Variants in GREB1 observed in about 807,000 individuals in gnomAD.
GREB1 encodes protein GREB1.
A neutral mutation model predicts 200.7 loss-of-function variants in GREB1; 106 were observed. That is an observed-to-expected ratio of 0.53 (90% confidence interval 0.45 to 0.62). The LOEUF (loss-of-function observed/expected upper bound fraction) is 0.62. Ranked by LOEUF, GREB1 falls within the 20% of genes least tolerant of loss-of-function variation. The pLI, the probability that GREB1 is intolerant of heterozygous loss-of-function variation, is 0.00. For missense variants in GREB1, 2,243 were observed against 2,556.8 expected, an observed-to-expected ratio of 0.88 and a Z score of 2.65; for synonymous variants, 1,132 against 1,092.4, an observed-to-expected ratio of 1.04 and a Z score of -0.72.
chr2:11,510,268 C>T (rs566629228), intron 1 of GREB1, among the ~76,000 whole-genome samples: 3 of 152,232 alleles, frequency 2.0e-5, no homozygotes, highest in African/African-American at 7.2e-5. Context: ...TGGTATGTAC[C>T]TTATATTGCA....
rs1401697185 is a variant in GREB1 at position 11,629,938 on chromosome 2, C to T, written c.4450-10C>T. The T allele has an allele frequency of 6.2e-7, 1 of 1,613,366 alleles. No individual in the cohort carries two copies. The highest frequency in any genetic ancestry group is 8.5e-7 in the Non-Finnish European group (1 of 1,179,518). On this transcript the variant is annotated splice_polypyrimidine_tract_variant and intron_variant, in intron 25 of 32. Coordinates refer to ENST00000381486, the MANE Select transcript of GREB1 (RefSeq NM_014668.4). This position sits in a 1 kb window ranked among gnomAD's most constrained non-coding sequence, Gnocchi z 5.2. ...TGACGGCAAGCTCTGTCCTTTCCCC[C>T]ACACCCCAGCTGTATGAGTCCACCC...
chr2:11,622,262 G>A (rs1332228786), intron 23 of GREB1, among the ~76,000 whole-genome samples: 2 of 152,042 alleles, frequency 1.3e-5, no homozygotes, highest in East Asian at 1.9e-4. Flanking sequence ...TGTATTTTTA[G>A]TATAGACAGG....
At position 11,596,228 on chromosome 2, in the gene GREB1, C is replaced by T. The variant is rs375706493; in HGVS notation, c.1943C>T (p.Pro648Leu). 26 of 1,613,288 alleles carry T rather than the reference C, an allele frequency of 1.6e-5. No homozygotes were observed. Among genetic ancestry groups the T allele is most frequent in the South Asian group, 1.4e-4 (13 of 91,026 alleles). Residue 648 changes from proline to leucine, a missense_variant, in exon 13 of 33, where the codon CCG (proline) becomes CTG (leucine). By Grantham distance (98) the Pro-to-Leu change is moderately conservative. Transcript: ENST00000381486. ...KAASLDVSGTPVCTSYNLEPH... is the reference protein window; with the variant it reads ...KAASLDVSGTLVCTSYNLEPH... ...GCATCCCTGGATGTCAGTGGGACACCGGTGTGCACAAGTGAGTGGTGAAAA... is the reference window on the plus strand; with the variant it reads ...GCATCCCTGGATGTCAGTGGGACACTGGTGTGCACAAGTGAGTGGTGAAAA...
At chr2:11,554,976 G>A (rs10186768) in intron 1 of GREB1, among the ~76,000 whole-genome samples, 8,694 of 152,204 alleles carry the variant, frequency 0.057, 730 homozygotes, top group African/African-American at 0.19. Context: ...ACGGATCAAA[G>A]AGGGAATCAG....
rs766598590 is a variant in GREB1, at chr2:11,635,936, G to A, written c.5346+531G>A. 5.9e-5 allele frequency among the ~76,000 whole-genome samples: 9 copies of A among 152,310 alleles called. No homozygotes were observed. In the South Asian group the frequency reaches 6.2e-4, roughly 11 times the overall value. ...CAATGCAGCAGGTGTGTCTCTGCCC[G>A]AAGTTCTCCCCAGTCCCGTGGGCCA... On this transcript the variant is annotated intron_variant, in intron 30 of 32. Transcript: ENST00000381486.
At chr2:11,558,842 C>T (rs1479538985) in intron 2 of GREB1, among the ~76,000 whole-genome samples, 1 of 151,984 alleles carries the variant, frequency 6.6e-6, no homozygotes, top group African/African-American at 2.4e-5. Flanking sequence ...TACTGAACAC[C>T]CCTTGATCTG....
chr2:11,589,832 A>G (rs576698396), intron 10 of GREB1, among the ~76,000 whole-genome samples: 1 of 152,276 alleles, frequency 6.6e-6, no homozygotes, highest in East Asian at 1.9e-4. Flanking sequence ...CCTGGGTTTC[A>G]GCCTGAGCAG....
chr2:11,521,362 G>A (rs1673698696), intron 1 of GREB1, among the ~76,000 whole-genome samples: 1 of 152,090 alleles, frequency 6.6e-6, no homozygotes, highest in South Asian at 2.1e-4. Flanking sequence ...GGCCTACCCT[G>A]GTCTCCTAAA....
At chr2:11,515,026 C>T (rs187492711) in intron 1 of GREB1, among the ~76,000 whole-genome samples, 4 of 151,742 alleles carry the variant, frequency 2.6e-5, no homozygotes, top group African/African-American at 9.7e-5. Flanking sequence ...CCCCACCTGA[C>T]CATCTATCTA....
At chr2:11,520,742 AG>A (rs1320310353) in intron 1 of GREB1, among the ~76,000 whole-genome samples, 1 of 152,184 alleles carries the variant, frequency 6.6e-6, no homozygotes, top group African/African-American at 2.4e-5. Flanking sequence ...CCGCATCTCA[AG>A]GTCTGGAACC....
chr2:11,599,403 G>A (rs1187176358), intron 15 of GREB1, among the ~76,000 whole-genome samples: 1 of 149,870 alleles, frequency 6.7e-6, no homozygotes, highest in Non-Finnish European at 1.5e-5. Context: ...GCAGTGGTGC[G>A]ATCTCGGCTC....
At position 11,618,851 on chromosome 2, in the gene GREB1, G is replaced by A. The variant is rs751193642; in HGVS notation, c.3976G>A (p.Gly1326Ser). The part of the protein sequence containing the change: ...TVPRPSHMDY[G>S]NRAEGRVDGF... ...GCCCCGGCCCAGCCACATGGACTACGGCAACCGGGCCGAGGGCCGCGTGGA... is the reference window on the plus strand; with the variant it reads ...GCCCCGGCCCAGCCACATGGACTACAGCAACCGGGCCGAGGGCCGCGTGGA... The change falls in exon 22 of 33, where the codon GGC becomes AGC. Residue 1326 changes from glycine (G) to serine (S), a missense_variant. Around this residue, in one of 3 missense-constraint regions of GREB1, gnomAD observed 587 missense variants for 553.1 expected, o/e 1.06. Coordinates refer to ENST00000381486, the MANE Select transcript of GREB1 (RefSeq NM_014668.4). 62 of 1,596,406 alleles carry A rather than the reference G, an allele frequency of 3.9e-5. No individual in the cohort carries two copies. The highest frequency in any genetic ancestry group is 2.9e-4 in the East Asian group (13 of 44,752).
Position 11,493,563 on chromosome 2 carries a change from C to T in GREB1, c.-159+11182C>T, listed in dbSNP as rs935684185. On this transcript the variant is annotated intron_variant, in intron 1 of 2. Transcript: ENST00000628795. This position sits in a 1 kb window ranked among gnomAD's most constrained non-coding sequence, Gnocchi z 4.6. ...GCTGTGTGGCCTGCTTCCTAACAGG[C>T]CATGGACCAGTACCAGTCTGTGGCC... Among the ~76,000 whole-genome samples the T allele has an allele frequency of 2.0e-5, 3 of 152,186 alleles. No individual in the cohort carries two copies. The highest frequency in any genetic ancestry group is 4.4e-5 in the Non-Finnish European group (3 of 68,030).
intron 1 of GREB1, among the ~76,000 whole-genome samples, chr2:11,515,217 T>G (rs1673459863): frequency 6.6e-6 from 1 of 151,998 alleles, no homozygotes; most frequent in South Asian, 2.1e-4. Flanking sequence ...ACTCATTCAG[T>G]CTTTCAGTAG....
chr2:11,488,688 G>A (rs111480810), intron 1 of GREB1, among the ~76,000 whole-genome samples: 8,527 of 151,512 alleles, frequency 0.056, 833 homozygotes, highest in African/African-American at 0.19. Context: ...CTCCTTGGGA[G>A]GCTGAGGCAG....
In GREB1 at chr2:11,615,225, C is replaced by T. The variant is rs1167110297; in HGVS notation, c.3257C>T (p.Ala1086Val). 3 of 1,613,102 alleles carry T rather than the reference C, an allele frequency of 1.9e-6. No homozygotes were observed. In the African/African-American group the frequency reaches 4.0e-5, roughly 22 times the overall value. The part of the protein sequence containing the change: ...VPLEKGARNE[A>V]LESDAEKLSS... ...TTGGAGAAGGGGGCTAGGAACGAGG[C>T]CTTGGAGAGTGATGCTGAGAAGCTG... The change falls in exon 20 of 33, where the codon GCC becomes GTC. Residue 1086 changes from alanine to valine, a missense_variant. Physicochemically the swap from Ala to Val is moderately conservative, Grantham distance 64. Coordinates refer to ENST00000381486, the MANE Select transcript of GREB1 (RefSeq NM_014668.4).
At chr2:11,494,654 T>C (rs1014736573) in intron 1 of GREB1, among the ~76,000 whole-genome samples, 4 of 152,206 alleles carry the variant, frequency 2.6e-5, no homozygotes, top group African/African-American at 9.6e-5. Flanking sequence ...GTTAAGCTAA[T>C]GGGTGTGTAG....
rs374620101 is a variant in GREB1, at chr2:11,592,907, G to A, written c.1477G>A (p.Ala493Thr). ...PQPFPPAPSA[A>T]APVTSAQLPW... Reference sequence around the variant, plus strand: ...GCCCTTCCCGCCCGCGCCCAGCGCCGCGGCACCCGTGACCTCCGCGCAGCT... The same window carrying A: ...GCCCTTCCCGCCCGCGCCCAGCGCCACGGCACCCGTGACCTCCGCGCAGCT... The change falls in exon 11 of 33, where the codon GCG (alanine) becomes ACG (threonine). Residue 493 changes from alanine to threonine, a missense_variant. Physicochemically the swap from Ala to Thr is moderately conservative, Grantham distance 58 (BLOSUM62 0). Transcript: ENST00000381486. 5.8e-5 allele frequency: 93 copies of A among 1,590,258 alleles called. No individual in the cohort carries two copies. The African/African-American group carries it at 1.0e-3, about 17-fold the overall frequency.
chr2:11,606,756 T>TTATTA (rs1225643122), intron 17 of GREB1, among the ~76,000 whole-genome samples: 3 of 106,434 alleles, frequency 2.8e-5, no homozygotes, highest in African/African-American at 1.0e-4. Context: ...TGATTTTAGT[T>TTATTA]TCATTATTAT....
Sources: allele counts gnomAD v4.1 joint callset (sites outside exome capture counted in the v4.1 genomes callset), GRCh38; gene constraint gnomAD v4.1.1; regional missense constraint gnomAD v4.1.1; non-coding constraint Gnocchi (gnomAD v3.1); transcripts MANE v1.5; gene names NCBI Gene and HGNC (gene_info 2026-07-23, HGNC 2026-07-21).